The following TAFA4 variants were observed in gnomAD, a reference collection of about 807,000 sequenced individuals.
TAFA4 encodes chemokine-like protein TAFA-4.
TAFA4 carries 20 observed loss-of-function variants against 21.1 expected under a neutral mutation model. The observed-to-expected ratio is 0.95, with a 90% CI of 0.67 to 1.38. TAFA4 has a LOEUF of 1.38. Ranked by LOEUF, TAFA4 falls within the 40% of genes most tolerant of loss-of-function variation. The probability of loss-of-function intolerance (pLI) is 0.00; values close to 1 mark genes in which losing one functional copy is unlikely to be tolerated. For missense variants in TAFA4, 211 were observed against 180.9 expected, an observed-to-expected ratio of 1.17 and a Z score of -0.95; for synonymous variants, 71 against 67.4, an observed-to-expected ratio of 1.05 and a Z score of -0.26.
At chr3:68,907,650 A>C (rs1282611393) in intron 1 of TAFA4, among the ~76,000 whole-genome samples, 2 of 152,138 alleles carry the variant, frequency 1.3e-5, no homozygotes, top group Non-Finnish European at 2.9e-5. Context: ...GGGAAGTGAG[A>C]TCCAAAATAA....
At chr3:68,750,160 A>G (rs2106748528) in intron 4 of TAFA4, among the ~76,000 whole-genome samples, 1 of 152,288 alleles carries the variant, frequency 6.6e-6, no homozygotes, top group Admixed American at 6.5e-5. Context: ...GGCCAGGTGT[A>G]ATGGCTCACA....
intron 3 of TAFA4, 71 bp downstream of exon 3, chr3:68,880,659 T>G: frequency 7.7e-7 from 1 of 1,296,908 alleles, no homozygotes; most frequent in Non-Finnish European, 1.1e-6. Flanking sequence ...TATCTGTGTC[T>G]AAAATGTGGA....
intron 3 of TAFA4, among the ~76,000 whole-genome samples, chr3:68,819,283 A>ATTTT (rs1559532063): frequency 1.3e-4 from 20 of 150,756 alleles, no homozygotes; most frequent in Non-Finnish European, 3.0e-4. Flanking sequence ...TTAAAAAAAA[A>ATTTT]AAAAAAAAAA....
chr3:68,920,745 T>C (rs1158316663), intron 1 of TAFA4, among the ~76,000 whole-genome samples: 1 of 151,064 alleles, frequency 6.6e-6, no homozygotes, highest in Admixed American at 6.6e-5. Flanking sequence ...TCCCCTACAA[T>C]GCAGCCTAAG....
intron 3 of TAFA4, among the ~76,000 whole-genome samples, chr3:68,841,535 G>A (rs1006505721): frequency 6.6e-6 from 1 of 151,822 alleles, no homozygotes; most frequent in Non-Finnish European, 1.5e-5. Context: ...TTTACTAGAG[G>A]GGTTTAAGAG....
intron 1 of TAFA4, among the ~76,000 whole-genome samples, chr3:68,901,081 T>A (rs2089840283): frequency 6.6e-6 from 1 of 152,014 alleles, no homozygotes; most frequent in South Asian, 2.1e-4. Flanking sequence ...AAGGGAGAAA[T>A]ATATAAATTT....
chr3:68,832,083 C>G (rs1217246849), intron 3 of TAFA4, among the ~76,000 whole-genome samples: 2 of 152,132 alleles, frequency 1.3e-5, no homozygotes, highest in African/African-American at 2.4e-5. Flanking sequence ...ATTTGTCTAA[C>G]CTTTTTTCAA....
At chr3:68,862,773 C>G (rs536559254) in intron 3 of TAFA4, among the ~76,000 whole-genome samples, 2 of 151,874 alleles carry the variant, frequency 1.3e-5, no homozygotes, top group South Asian at 4.2e-4. Flanking sequence ...TATCTCAGTG[C>G]TACTAAAACC....
chr3:68,911,144 T>G (rs748303392), intron 1 of TAFA4, among the ~76,000 whole-genome samples: 1 of 152,238 alleles, frequency 6.6e-6, no homozygotes, highest in Non-Finnish European at 1.5e-5. Flanking sequence ...GCAAAGACAC[T>G]GCTGACGTTT....
At chr3:68,859,137 A>T (rs962684884) in intron 3 of TAFA4, among the ~76,000 whole-genome samples, 8 of 152,164 alleles carry the variant, frequency 5.3e-5, no homozygotes, top group Non-Finnish European at 7.3e-5. Flanking sequence ...CAACCAATTC[A>T]AAAAACAGTT....
At chr3:68,853,543 G>C (rs909951094) in intron 3 of TAFA4, among the ~76,000 whole-genome samples, 4 of 151,924 alleles carry the variant, frequency 2.6e-5, no homozygotes, top group African/African-American at 9.7e-5. Context: ...CCCTTCCCTG[G>C]GTCACTCTCT....
Position 68,752,972 on chromosome 3 carries a change from G to C in TAFA4, c.177C>G (p.His59Gln), listed in dbSNP as rs1469292939. The C allele has an allele frequency of 6.2e-7, 1 of 1,613,882 alleles. No individual in the cohort carries two copies. Among genetic ancestry groups the C allele is most frequent in the South Asian group, 1.1e-5 (1 of 91,054 alleles). Residue 59 changes from histidine (H) to glutamine (Q), a missense_variant, in exon 4 of 6, where the codon CAC (histidine) becomes CAG (glutamine). Physicochemically the swap from His to Gln is conservative, Grantham distance 24 (BLOSUM62 0). Transcript: ENST00000295569. ...KQGTCEVVAV[H>Q]RCCNKNRIEE... ...CTATGCGGTTCTTATTGCAGCACCT[G>C]TGCACGGCGACCACCTCACAGGTCC...
chr3:68,777,102 A>G (rs2106790886), intron 3 of TAFA4, among the ~76,000 whole-genome samples: 1 of 151,652 alleles, frequency 6.6e-6, no homozygotes, highest in South Asian at 2.1e-4. Context: ...CAATATATAT[A>G]TAACGAAATA....
In TAFA4 at chr3:68,767,406, AT is replaced by A. The variant is rs1193543478; in HGVS notation, c.131-14389del. 9.2e-5 allele frequency among the ~76,000 whole-genome samples: 14 copies of A among 152,178 alleles called. No homozygotes were observed. The South Asian group carries it at 2.9e-3, about 31-fold the overall frequency. On this transcript the variant is annotated intron_variant, in intron 3 of 5. Transcript: ENST00000295569. ...GAAATGATCTCGGGAACAATAGGAA[AT>A]TTCATAAAATGCATAAGCTACAAAC...
At chr3:68,919,375 A>C (rs1399591341) in intron 1 of TAFA4, among the ~76,000 whole-genome samples, 1 of 152,042 alleles carries the variant, frequency 6.6e-6, no homozygotes. Context: ...CTTACTTATC[A>C]CCTTATTTTC....
chr3:68,803,353 T>G (rs567062056), intron 3 of TAFA4, among the ~76,000 whole-genome samples: 2 of 152,146 alleles, frequency 1.3e-5, no homozygotes, highest in Non-Finnish European at 2.9e-5. Context: ...AGAGGGAGAT[T>G]TGATTTGATT....
At chr3:68,887,814 C>T (rs1217019840) in intron 1 of TAFA4, among the ~76,000 whole-genome samples, 1 of 152,100 alleles carries the variant, frequency 6.6e-6, no homozygotes, top group African/African-American at 2.4e-5. Flanking sequence ...TGCTAGCTTT[C>T]CTGAAAGATC....
intron 2 of TAFA4, among the ~76,000 whole-genome samples, chr3:68,883,853 A>C (rs2089643418): frequency 6.6e-6 from 1 of 152,076 alleles, no homozygotes; most frequent in African/African-American, 2.4e-5. Flanking sequence ...GGAACGCTTG[A>C]GGCCAGGAAT....
chr3:68,862,218 C>T (rs570931099), intron 3 of TAFA4, among the ~76,000 whole-genome samples: 6 of 152,000 alleles, frequency 3.9e-5, no homozygotes, highest in African/African-American at 1.2e-4. Context: ...TTCCTGCAAA[C>T]GCTCACAGCA....
Sources: gnomAD v4.1 joint callset for allele counts (sites outside exome capture counted in the v4.1 genomes callset) on GRCh38, gnomAD v4.1.1 for gene constraint, MANE v1.5 for transcripts, NCBI Gene and HGNC (gene_info 2026-07-23, HGNC 2026-07-21) for gene names.